The following CEP128 variants were observed in gnomAD, a reference collection of about 807,000 sequenced individuals.
The protein encoded by CEP128 is centrosomal protein 128.
A neutral mutation model predicts 156.7 loss-of-function variants in CEP128; 132 were observed. The ratio of observed to expected loss-of-function variants is 0.84; its 90% CI spans 0.73 to 0.97. The LOEUF is 0.97. Among genes scored for constraint, CEP128 ranks in the 50% least tolerant of loss-of-function variants. CEP128 has a pLI of 0.00. For synonymous variants in CEP128, 469 were observed against 448.9 expected (o/e 1.04, Z -0.57); for missense variants, 1,252 against 1,281.9 (o/e 0.98, Z 0.36).
rs548395643 is a variant in CEP128, at chr14:80,752,477, G to A, written c.2613+4415C>T. The stretch of plus-strand genomic sequence containing the variant: ...GCTCAATTAACTGAATATATTCCAC[G>A]TAAATAATCTAAAGTGTATTTCCAA... On this transcript the variant is annotated intron_variant, in intron 18 of 24. Coordinates refer to ENST00000555265, the MANE Select transcript of CEP128 (RefSeq NM_152446.5). Among the ~76,000 whole-genome samples the A allele has an allele frequency of 1.8e-4, 27 of 152,088 alleles. No homozygotes were observed. The East Asian group carries it at 4.8e-3, about 27-fold the overall frequency.
intron 2 of CEP128, among the ~76,000 whole-genome samples, chr14:80,938,642 C>A (rs1885972945): frequency 6.6e-6 from 1 of 152,068 alleles, no homozygotes; most frequent in South Asian, 2.1e-4. Context: ...AAAAAAGGTC[C>A]AGAATTTTTA....
intron 19 of CEP128, 137 bp from the exon 20 acceptor site, chr14:80,580,560 A>G: frequency 1.7e-6 from 1 of 582,984 alleles, no homozygotes; most frequent in African/African-American, 1.8e-5. Context: ...GTGAGAAGCC[A>G]TGTAAAAGAA....
intron 16 of CEP128, among the ~76,000 whole-genome samples, chr14:80,777,472 C>G (rs1221100149): frequency 1.3e-5 from 2 of 152,160 alleles, no homozygotes; most frequent in East Asian, 3.9e-4. Context: ...TTCTTCTATC[C>G]AGTCTATAGC....
At chr14:80,628,589 C>T (rs1433708476) in intron 19 of CEP128, among the ~76,000 whole-genome samples, 1 of 152,200 alleles carries the variant, frequency 6.6e-6, no homozygotes, top group East Asian at 1.9e-4. Flanking sequence ...CGCACAACTA[C>T]CTTTCTCCCT....
At chr14:80,586,759 G>C (rs1423061878) in intron 19 of CEP128, among the ~76,000 whole-genome samples, 2 of 152,134 alleles carry the variant, frequency 1.3e-5, no homozygotes, top group Admixed American at 1.3e-4. Context: ...GTTTCAGCAA[G>C]ATATATTCAA....
At chr14:80,726,051 C>G (rs537971451) in intron 19 of CEP128, among the ~76,000 whole-genome samples, 14 of 151,026 alleles carry the variant, frequency 9.3e-5, no homozygotes, top group African/African-American at 2.7e-4. Flanking sequence ...TATGTCTCAC[C>G]CTTTCCTTCC....
intron 20 of CEP128, among the ~76,000 whole-genome samples, chr14:80,573,302 T>G (rs908831382): frequency 2.0e-5 from 3 of 152,178 alleles, no homozygotes; most frequent in Non-Finnish European, 4.4e-5. Flanking sequence ...GACTATGCTT[T>G]GATTTTCCAT....
chr14:80,946,568 G>A (rs1886349152), upstream of CEP128, among the ~76,000 whole-genome samples: 1 of 151,898 alleles, frequency 6.6e-6, no homozygotes, highest in Admixed American at 6.6e-5. Flanking sequence ...AATACCTAGA[G>A]GAACTAATCA....
intron 19 of CEP128, among the ~76,000 whole-genome samples, chr14:80,683,203 T>A (rs1050857549): frequency 6.6e-6 from 1 of 152,150 alleles, no homozygotes; most frequent in Non-Finnish European, 1.5e-5. Flanking sequence ...GGACCATCCA[T>A]CTGCTCTTTT....
chr14:80,764,390 T>A (rs1175020510), intron 16 of CEP128, among the ~76,000 whole-genome samples: 1 of 151,654 alleles, frequency 6.6e-6, no homozygotes, highest in Non-Finnish European at 1.5e-5. Flanking sequence ...TCCCAGCTAC[T>A]CGGGAGGCTG....
At chr14:80,535,262 C>T (rs1889431906) in intron 21 of CEP128, among the ~76,000 whole-genome samples, 3 of 152,166 alleles carry the variant, frequency 2.0e-5, no homozygotes, top group Non-Finnish European at 2.9e-5. Flanking sequence ...AAATAACTTC[C>T]TTGCAGTCAG....
intron 12 of CEP128, among the ~76,000 whole-genome samples, chr14:80,834,040 G>C (rs907341667): frequency 2.6e-5 from 4 of 152,106 alleles, no homozygotes; most frequent in Non-Finnish European, 5.9e-5. Context: ...GATATCCAAT[G>C]AGCAACTCCA....
At chr14:80,647,156 T>C (rs1894700557) in intron 19 of CEP128, among the ~76,000 whole-genome samples, 1 of 146,884 alleles carries the variant, frequency 6.8e-6, no homozygotes, top group Admixed American at 6.8e-5. Context: ...CACTGCATTC[T>C]AGAAACACTG....
At chr14:80,828,891 T>C (rs73338175) in intron 13 of CEP128, among the ~76,000 whole-genome samples, 3,176 of 152,246 alleles carry the variant, frequency 0.021, 40 homozygotes, top group Middle Eastern at 0.068. Flanking sequence ...CTAAAGAAGA[T>C]TAATCTCTCT....
intron 19 of CEP128, among the ~76,000 whole-genome samples, chr14:80,690,584 T>C (rs544444630): frequency 6.6e-6 from 1 of 152,308 alleles, no homozygotes; most frequent in East Asian, 1.9e-4. Flanking sequence ...ATCTACATCA[T>C]GCCATACAGC....
chr14:80,903,033 A>G (rs1029916255), intron 6 of CEP128, among the ~76,000 whole-genome samples: 2 of 152,178 alleles, frequency 1.3e-5, no homozygotes, highest in Non-Finnish European at 2.9e-5. Context: ...TAGAATGACA[A>G]AAGACCCCAT....
intron 19 of CEP128, among the ~76,000 whole-genome samples, chr14:80,614,596 T>TA (rs1012785288): frequency 2.0e-5 from 3 of 152,134 alleles, no homozygotes; most frequent in Non-Finnish European, 4.4e-5. Flanking sequence ...CCTCCAACCA[T>TA]AAAAAACCCT....
chr14:80,630,402 A>AT (rs1247957755), intron 19 of CEP128, among the ~76,000 whole-genome samples: 2 of 151,982 alleles, frequency 1.3e-5, no homozygotes, highest in Non-Finnish European at 2.9e-5. Flanking sequence ...CATATTTAAA[A>AT]TTTTATAGGC....
intron 19 of CEP128, among the ~76,000 whole-genome samples, chr14:80,592,809 A>C (rs1242387456): frequency 6.6e-6 from 1 of 152,220 alleles, no homozygotes; most frequent in Admixed American, 6.5e-5. Context: ...ATAATCATCC[A>C]GTCGGCTTCA....
Sources: allele counts gnomAD v4.1 joint callset (sites outside exome capture counted in the v4.1 genomes callset), GRCh38; gene constraint gnomAD v4.1.1; transcripts MANE v1.5; gene names NCBI Gene and HGNC (gene_info 2026-07-23, HGNC 2026-07-21).